The following CPB1 variants were observed in gnomAD, a reference collection of about 807,000 sequenced individuals.
CPB1 encodes the protein carboxypeptidase B.
Under a neutral mutation model 51.4 loss-of-function variants are expected in CPB1, and 53 were observed. The ratio of observed to expected loss-of-function variants is 1.03; its 90% CI spans 0.83 to 1.30. The LOEUF is 1.30. CPB1 is among the 50% of genes most tolerant of loss of function. The pLI is 0.00. For missense variants in CPB1, 494 were observed against 516.2 expected, an observed-to-expected ratio of 0.96 and a Z score of 0.42; for synonymous variants, 189 against 186.9, an observed-to-expected ratio of 1.01 and a Z score of -0.09.
intron 6 of CPB1, among the ~76,000 whole-genome samples, chr3:148,843,288 G>A (rs1713143120): frequency 6.6e-6 from 1 of 152,078 alleles, no homozygotes; most frequent in Non-Finnish European, 1.5e-5. Context: ...ACGGGTATGT[G>A]GGAACTACTT....
At chr3:148,859,702 T>C (rs78535334) in intron 10 of CPB1, 113 bp from the exon 11 acceptor site, 1 of 1,026,160 alleles carries the variant, frequency 9.7e-7, no homozygotes, top group Non-Finnish European at 1.4e-6. Context: ...AAAATTGGCC[T>C]ACTCAAAATA....
intron 9 of CPB1, among the ~76,000 whole-genome samples, chr3:148,848,791 A>G (rs1713330720): frequency 6.6e-6 from 1 of 152,244 alleles, no homozygotes; most frequent in Non-Finnish European, 1.5e-5. Context: ...AAAGAACAGG[A>G]AAAGTATTAT....
chr3:148,830,104 C>A (rs1712689783), intron 2 of CPB1, among the ~76,000 whole-genome samples: 1 of 152,166 alleles, frequency 6.6e-6, no homozygotes, highest in African/African-American at 2.4e-5. Context: ...TTCCTTTCCT[C>A]AGCATTCACA....
chr3:148,856,892 G>A (rs1471332621), intron 9 of CPB1: 1 of 152,036 alleles, frequency 6.6e-6, no homozygotes, highest in African/African-American at 2.4e-5. Flanking sequence ...AAATTTCCAA[G>A]CTGGAGCTAC....
At chr3:148,840,224 A>G (rs1713033966) in intron 3 of CPB1, among the ~76,000 whole-genome samples, 2 of 152,094 alleles carry the variant, frequency 1.3e-5, no homozygotes, top group African/African-American at 4.8e-5. Flanking sequence ...CAAAGTGACA[A>G]CTCCTCCCAT....
rs544530745 is a variant in CPB1, at chr3:148,857,917, G to A, written c.1066+376G>A. 5.3e-5 allele frequency among the ~76,000 whole-genome samples: 8 copies of A among 152,074 alleles called. No homozygotes were observed. In the South Asian group the frequency reaches 1.0e-3, roughly 20 times the overall value. On this transcript the variant is annotated intron_variant, in intron 10 of 10. Coordinates refer to ENST00000282957, the MANE Select transcript of CPB1 (RefSeq NM_001871.3). Reference sequence around the variant, plus strand: ...CTATCTCAAAATAAAAAGGGAGGAGGAGAAAAATATCCTTTTCAACCCACA... The same window carrying A: ...CTATCTCAAAATAAAAAGGGAGGAGAAGAAAAATATCCTTTTCAACCCACA...
intron 9 of CPB1, among the ~76,000 whole-genome samples, chr3:148,847,821 T>C (rs1713301094): frequency 6.6e-6 from 1 of 152,210 alleles, no homozygotes; most frequent in African/African-American, 2.4e-5. Context: ...ATGCCACTTT[T>C]ATCTTTACCA....
At chr3:148,854,413 G>C (rs1713518094) in intron 9 of CPB1, 1 of 152,112 alleles carries the variant, frequency 6.6e-6, no homozygotes, top group African/African-American at 2.4e-5. Flanking sequence ...TGTCTGTTCT[G>C]ACTTTTTTTG....
intron 2 of CPB1, among the ~76,000 whole-genome samples, chr3:148,833,714 T>C (rs1359204626): frequency 6.6e-6 from 1 of 150,954 alleles, no homozygotes; most frequent in African/African-American, 2.5e-5. Context: ...CTGAAAGGTG[T>C]TACTTAAAAC....
chr3:148,830,239 C>T (rs1242993910), intron 2 of CPB1, among the ~76,000 whole-genome samples: 5 of 152,164 alleles, frequency 3.3e-5, no homozygotes, highest in African/African-American at 1.2e-4. Context: ...CTCTACTCGC[C>T]AGTGAGCCCT....
At chr3:148,851,893 GA>G (rs1713441765) in intron 9 of CPB1, 1 of 152,178 alleles carries the variant, frequency 6.6e-6, no homozygotes, top group African/African-American at 2.4e-5. Flanking sequence ...TGGAGCCAGG[GA>G]CCTGGAAAAT....
In CPB1 at chr3:148,859,819, T is replaced by C; in HGVS notation, c.1071T>C (p.Pro357=). ...ACTGCTGTTTGCACATTTCAGATCC[T>C]GCTGCTGGGGGCTCTGACGACTGGG... ...TYGPGATTIY[P]AAGGSDDWAY... The change falls in exon 11 of 11, where the codon CCT becomes CCC. Residue 357 remains proline (P), a synonymous_variant. Transcript: ENST00000282957. 1.2e-6 allele frequency: 2 copies of C among 1,612,390 alleles called. No homozygotes were observed. The highest frequency in any genetic ancestry group is 1.7e-6 in the Non-Finnish European group (2 of 1,179,066).
chr3:148,859,131 G>A (rs1313941385), intron 10 of CPB1, among the ~76,000 whole-genome samples: 2 of 152,096 alleles, frequency 1.3e-5, no homozygotes, highest in African/African-American at 4.8e-5. Context: ...CCATTACACT[G>A]TAAGACTTTG....
chr3:148,857,804 C>T (rs146655686), intron 10 of CPB1, among the ~76,000 whole-genome samples: 16 of 152,012 alleles, frequency 1.1e-4, no homozygotes, highest in Non-Finnish European at 1.6e-4. Flanking sequence ...GAGGCTGAAG[C>T]GGGAGAGTCA....
chr3:148,840,993 T>C lies in CPB1; in HGVS notation c.474+18T>C, dbSNP rs1211291650. 4.4e-6 allele frequency: 7 copies of C among 1,600,578 alleles called. No individual in the cohort carries two copies. Among genetic ancestry groups the C allele is most frequent in the Non-Finnish European group, 6.0e-6 (7 of 1,168,286 alleles). On this transcript the variant is annotated intron_variant, in intron 5 of 10. Transcript: ENST00000282957. ...TCCTGAAGGTAATCATTTTTAACCA[T>C]GACCTTGCCATGTCTGAGGGCTTTA...
In CPB1 at chr3:148,845,580, A is replaced by G. The variant is rs1285420657; in HGVS notation, c.935A>G (p.Tyr312Cys). The G allele has an allele frequency of 1.2e-6, 2 of 1,613,898 alleles. No homozygotes were observed. Among genetic ancestry groups the G allele is most frequent in the Non-Finnish European group, 8.5e-7 (1 of 1,179,836 alleles). The change falls in exon 9 of 11, where the codon TAC (tyrosine) becomes TGC (cysteine). Residue 312 changes from tyrosine (Y) to cysteine (C), a missense_variant. Physicochemically the swap from Tyr to Cys is radical, Grantham distance 194. Transcript: ENST00000282957. ...CACTCGTACTCCCAAATGATGATCT[A>G]CCCTTACTCATATGCTTACAAACTC... ...TIHSYSQMMI[Y>C]PYSYAYKLGE...
intron 3 of CPB1, among the ~76,000 whole-genome samples, chr3:148,834,982 G>A (rs748087499): frequency 6.6e-6 from 1 of 152,096 alleles, no homozygotes; most frequent in African/African-American, 2.4e-5. Context: ...TTCTTTCCAG[G>A]GGATCAGCGA....
Position 148,844,552 on chromosome 3 carries a change from G to A in CPB1, c.651G>A (p.Val217=). Reference sequence around the variant, plus strand: ...AGTTAGACTTTTATGTCCTGCCTGTGCTCAATATTGATGGCTACATCTACA... The same window carrying A: ...AGTTAGACTTTTATGTCCTGCCTGTACTCAATATTGATGGCTACATCTACA... The part of the protein sequence containing the change: ...LDKLDFYVLP[V]LNIDGYIYTW... Residue 217 remains valine (V), a synonymous_variant, in exon 7 of 11, where the codon GTG becomes GTA. Coordinates refer to ENST00000282957, the MANE Select transcript of CPB1 (RefSeq NM_001871.3). 6.2e-7 allele frequency: 1 copy of A among 1,613,686 alleles called. No homozygotes were observed. Among genetic ancestry groups the A allele is most frequent in the Non-Finnish European group, 8.5e-7 (1 of 1,179,804 alleles).
chr3:148,830,170 G>A (rs1236340184), intron 2 of CPB1, among the ~76,000 whole-genome samples: 1 of 152,140 alleles, frequency 6.6e-6, no homozygotes, highest in African/African-American at 2.4e-5. Flanking sequence ...CCAGGCCCCA[G>A]CAGCTCCTGC....
Sources: gnomAD v4.1 joint callset for allele counts (sites outside exome capture counted in the v4.1 genomes callset) on GRCh38, gnomAD v4.1.1 for gene constraint, MANE v1.5 for transcripts, NCBI Gene and HGNC (gene_info 2026-07-23, HGNC 2026-07-21) for gene names.